The following FANCC variants were observed in gnomAD, a reference collection of about 807,000 sequenced individuals.
FANCC encodes FA complementation group C.
Under a neutral mutation model 71.3 loss-of-function variants are expected in FANCC, and 55 were observed. The observed-to-expected ratio is 0.77, with a 90% CI of 0.62 to 0.97. FANCC has a LOEUF of 0.97. Among genes scored for constraint, FANCC ranks in the 50% least tolerant of loss-of-function variants. The pLI is 0.00. For missense variants in FANCC, 678 were observed against 670.9 expected (o/e 1.01, Z -0.12); for synonymous variants, 275 against 244.9 (o/e 1.12, Z -1.15).
At chr9:95,110,875 C>T (rs1490755987) in intron 13 of FANCC, 1 of 1,217,112 alleles carries the variant, frequency 8.2e-7, no homozygotes, top group Non-Finnish European at 1.0e-6. Context: ...TTGCCACAGA[C>T]AGTTATCCAG....
intron 4 of FANCC, among the ~76,000 whole-genome samples, chr9:95,237,995 G>A (rs1396069180): frequency 6.6e-6 from 1 of 152,132 alleles, no homozygotes; most frequent in African/African-American, 2.4e-5. Flanking sequence ...CATTATCTAT[G>A]CAGCATGTAT....
At chr9:95,253,819 T>C (rs1056979042) in intron 1 of FANCC, among the ~76,000 whole-genome samples, 1 of 152,048 alleles carries the variant, frequency 6.6e-6, no homozygotes, top group African/African-American at 2.4e-5. Flanking sequence ...GGGGATGTGT[T>C]TGTGGGATGA....
chr9:95,123,754 A>G (rs1368027267), intron 10 of FANCC: 8 of 696,540 alleles, frequency 1.1e-5, no homozygotes, highest in South Asian at 2.7e-5. Context: ...TGAGTTGTGC[A>G]ATTCACAGCA....
intron 4 of FANCC, among the ~76,000 whole-genome samples, chr9:95,218,969 T>C (rs548099025): frequency 1.3e-5 from 2 of 152,316 alleles, no homozygotes; most frequent in Admixed American, 1.3e-4. Context: ...TTGCTTGCAC[T>C]TGCCCTAGCC....
chr9:95,293,636 C>G (rs146744670), intron 1 of FANCC: 1 of 1,614,168 alleles, frequency 6.2e-7, no homozygotes, highest in African/African-American at 1.3e-5. Flanking sequence ...AGTGGGCCAC[C>G]GCTGATTCCT....
At chr9:95,206,223 CT>C (rs1828113611) in intron 4 of FANCC, among the ~76,000 whole-genome samples, 4 of 152,172 alleles carry the variant, frequency 2.6e-5, no homozygotes, top group Admixed American at 2.6e-4. Context: ...AAATGCTATA[CT>C]TTTTCAAATT....
chr9:95,168,588 TG>T (rs1229783972), intron 6 of FANCC, among the ~76,000 whole-genome samples: 2 of 152,250 alleles, frequency 1.3e-5, no homozygotes, highest in Non-Finnish European at 2.9e-5. Flanking sequence ...TGGAGTGCAG[TG>T]ATGCAATATC....
chr9:95,277,853 C>G (rs1391025411), intron 1 of FANCC, among the ~76,000 whole-genome samples: 1 of 151,980 alleles, frequency 6.6e-6, no homozygotes, highest in Non-Finnish European at 1.5e-5. Flanking sequence ...AAGACTTTCC[C>G]AGAAGAACAA....
intron 3 of FANCC, among the ~76,000 whole-genome samples, chr9:95,246,054 C>T (rs928512814): frequency 1.3e-5 from 2 of 152,084 alleles, no homozygotes; most frequent in African/African-American, 4.8e-5. Context: ...GTGTGCATAT[C>T]CACGTGCATA....
chr9:95,269,477 T>C (rs4647404), intron 1 of FANCC, among the ~76,000 whole-genome samples: 34,438 of 152,216 alleles, frequency 0.23, 5,053 homozygotes, highest in Non-Finnish European at 0.33. Context: ...ATTAATAAAA[T>C]TGAATACAGA....
intron 4 of FANCC, among the ~76,000 whole-genome samples, chr9:95,212,763 T>C (rs1034324895): frequency 6.6e-6 from 1 of 152,218 alleles, no homozygotes; most frequent in Admixed American, 6.5e-5. Context: ...TAATATACTG[T>C]GGGTTTATAA....
At chr9:95,123,079 A>C (rs1311441138) in intron 10 of FANCC, among the ~76,000 whole-genome samples, 2 of 152,126 alleles carry the variant, frequency 1.3e-5, no homozygotes, top group African/African-American at 4.8e-5. Context: ...AGGTGGGAGG[A>C]TCCCTTGAAC....
intron 4 of FANCC, among the ~76,000 whole-genome samples, chr9:95,236,980 A>T (rs1830352902): frequency 6.6e-6 from 1 of 152,186 alleles, no homozygotes; most frequent in African/African-American, 2.4e-5. Context: ...CAACCTACAG[A>T]CTATCTTCTA....
intron 12 of FANCC, among the ~76,000 whole-genome samples, chr9:95,111,966 G>A (rs549462364): frequency 6.6e-6 from 1 of 152,298 alleles, no homozygotes; most frequent in Admixed American, 6.5e-5. Context: ...AGGATGTGGC[G>A]GCACACCTCC....
chr9:95,253,288 G>A (rs545531646), intron 1 of FANCC, among the ~76,000 whole-genome samples: 2 of 152,128 alleles, frequency 1.3e-5, no homozygotes, highest in Middle Eastern at 3.4e-3. Flanking sequence ...CTGTGCCATC[G>A]GCCACATGTG....
chr9:95,239,675 A>G (rs758417890), intron 4 of FANCC, among the ~76,000 whole-genome samples: 1 of 152,164 alleles, frequency 6.6e-6, no homozygotes, highest in Non-Finnish European at 1.5e-5. Flanking sequence ...CCTTCCAATT[A>G]AAGTTTGTAT....
intron 7 of FANCC, chr9:95,142,625 G>C (rs1210429734): frequency 1.0e-5 from 1 of 98,798 alleles, no homozygotes; most frequent in Non-Finnish European, 2.3e-5. Flanking sequence ...AAATCTTAGT[G>C]TAAGTATTTG....
chr9:95,289,818 T>C lies in FANCC; in HGVS notation c.-79+27708A>G, dbSNP rs116530295. ...GGCACATGCCACCATGCCTGACTAA[T>C]CTGATATTATTTTTATTTTTTGTGG... On this transcript the variant is annotated intron_variant, in intron 1 of 14. Transcript: ENST00000289081. 1.2e-3 allele frequency among the ~76,000 whole-genome samples: 182 copies of C among 152,076 alleles called. 1 individual carries two copies. Among genetic ancestry groups the C allele is most frequent in the African/African-American group, 4.2e-3 (173 of 41,468 alleles).
chr9:95,259,747 G>T (rs1352780134), intron 1 of FANCC, among the ~76,000 whole-genome samples: 1 of 152,198 alleles, frequency 6.6e-6, no homozygotes, highest in African/African-American at 2.4e-5. Flanking sequence ...TCATTAGAGT[G>T]AACGGGCAAC....
Sources: gnomAD v4.1 joint callset for allele counts (sites outside exome capture counted in the v4.1 genomes callset) on GRCh38, gnomAD v4.1.1 for gene constraint, MANE v1.5 for transcripts, NCBI Gene and HGNC (gene_info 2026-07-23, HGNC 2026-07-21) for gene names.